The following SH3BGRL variants were observed in gnomAD, a reference collection of about 807,000 sequenced individuals.
SH3BGRL encodes adapter SH3BGRL.
SH3BGRL carries 7 observed loss-of-function variants against 9.8 expected under a neutral mutation model. The ratio of observed to expected loss-of-function variants is 0.72; its 90% CI spans 0.41 to 1.35. The LOEUF is 1.35. SH3BGRL is among the 40% of genes most tolerant of loss of function. The pLI is 0.01. For synonymous variants in SH3BGRL, 36 were observed against 29.1 expected (o/e 1.24, Z -0.76); for missense variants, 73 against 84.4 (o/e 0.86, Z 0.53).
rs1168836658 is a variant in SH3BGRL, at chrX:81,287,397, G to A, written c.312+8986G>A. Among the ~76,000 whole-genome samples, 8 of 111,740 alleles carry A rather than the reference G, an allele frequency of 7.2e-5. No individual in the cohort carries two copies. The East Asian group carries it at 2.2e-3, about 31-fold the overall frequency. On this transcript the variant is annotated intron_variant, in intron 3 of 3. Transcript: ENST00000373212. ...AAGAAATAGACAAATTTCTAGACAC[G>A]TACAATCAACCAAGATTGAACCATG... is the stretch of plus-strand genomic sequence containing the variant.
chrX:81,262,690 C>T (rs2075744798), intron 1 of SH3BGRL, among the ~76,000 whole-genome samples: 1 of 111,840 alleles, frequency 8.9e-6, no homozygotes, highest in African/African-American at 3.3e-5. Flanking sequence ...ACAGATGTAC[C>T]ACTATGAGGT....
intron 2 of SH3BGRL, among the ~76,000 whole-genome samples, chrX:81,278,092 A>G (rs2075804022): frequency 1.8e-5 from 2 of 111,602 alleles, no homozygotes; most frequent in Non-Finnish European, 3.8e-5. Flanking sequence ...CCTTCCAAGT[A>G]GCGGGGATTA....
At position 81,297,346 on chromosome X, in the gene SH3BGRL, G is replaced by A; in HGVS notation, c.*119G>A. ...TAATGTTGAAATAATAGATTAGTTGGGTTTTCACATGCAAACATTCAAAAT... is the reference window on the plus strand; with the variant it reads ...TAATGTTGAAATAATAGATTAGTTGAGTTTTCACATGCAAACATTCAAAAT... On this transcript the variant is annotated 3_prime_UTR_variant, in exon 4 of 4. Coordinates refer to ENST00000373212, the MANE Select transcript of SH3BGRL (RefSeq NM_003022.3). The A allele has an allele frequency of 3.7e-6, 2 of 534,959 alleles. No homozygotes were observed. Among genetic ancestry groups the A allele is most frequent in the East Asian group, 3.8e-5 (1 of 26,290 alleles). The allele number at this position is 534,959 out of a possible 1,213,427, so 44.1% of individuals were successfully genotyped here.
At chrX:81,222,831 CTTG>C (rs1226355841) in intron 1 of SH3BGRL, among the ~76,000 whole-genome samples, 14 of 111,665 alleles carry the variant, frequency 1.3e-4, no homozygotes, top group Non-Finnish European at 2.1e-4. Context: ...CTGTCCAGCA[CTTG>C]TTGTTTCCTG....
intron 1 of SH3BGRL, among the ~76,000 whole-genome samples, chrX:81,272,502 CTT>C (rs748353277): frequency 1.0e-4 from 10 of 95,643 alleles, no homozygotes; most frequent in Admixed American, 1.2e-4. Context: ...TTTTTCTTTT[CTT>C]TTTTTTTTTT....
intron 1 of SH3BGRL, among the ~76,000 whole-genome samples, chrX:81,274,912 G>A (rs2075793541): frequency 9.0e-6 from 1 of 111,276 alleles, no homozygotes; most frequent in South Asian, 3.8e-4. Flanking sequence ...ATTCTGTTCA[G>A]CTTTATGGAG....
At chrX:81,258,758 C>T (rs752553332) in intron 1 of SH3BGRL, among the ~76,000 whole-genome samples, 21 of 111,946 alleles carry the variant, frequency 1.9e-4, no homozygotes, top group African/African-American at 6.1e-4. Context: ...GATATTTTTC[C>T]TGGTCACAGT....
At chrX:81,254,368 A>G (rs920349813) in intron 1 of SH3BGRL, among the ~76,000 whole-genome samples, 75 of 111,709 alleles carry the variant, frequency 6.7e-4, no homozygotes, top group African/African-American at 2.3e-3. Flanking sequence ...GTCTGAGAGT[A>G]CATTCTTAGT....
chrX:81,290,038 C>T (rs1193363738), intron 3 of SH3BGRL, among the ~76,000 whole-genome samples: 1 of 111,681 alleles, frequency 9.0e-6, no homozygotes, highest in African/African-American at 3.3e-5. Context: ...ATAATCTCAC[C>T]TCAGTTAATA....
intron 1 of SH3BGRL, among the ~76,000 whole-genome samples, chrX:81,263,828 G>A (rs958371317): frequency 9.0e-6 from 1 of 110,777 alleles, no homozygotes; most frequent in Non-Finnish European, 1.9e-5. Context: ...GCACTTTCTT[G>A]TCTGTTTTTT....
At chrX:81,288,903 T>A (rs2075846942) in intron 3 of SH3BGRL, among the ~76,000 whole-genome samples, 2 of 111,679 alleles carry the variant, frequency 1.8e-5, no homozygotes, top group Admixed American at 9.5e-5. Context: ...ATCAATGACA[T>A]TCTTCACAGA....
At chrX:81,284,968 G>A (rs966736710) in intron 3 of SH3BGRL, among the ~76,000 whole-genome samples, 3 of 111,056 alleles carry the variant, frequency 2.7e-5, no homozygotes, top group Non-Finnish European at 5.7e-5. Context: ...ATGTTATGAA[G>A]GATGGGCAAG....
intron 1 of SH3BGRL, among the ~76,000 whole-genome samples, chrX:81,248,408 G>C (rs1456954021): frequency 8.9e-6 from 1 of 112,281 alleles, no homozygotes; most frequent in Non-Finnish European, 1.9e-5. Flanking sequence ...GGGGCACCCA[G>C]CAATGGCCCA....
intron 3 of SH3BGRL, among the ~76,000 whole-genome samples, chrX:81,286,088 CA>C (rs1364349354): frequency 1.8e-5 from 2 of 111,364 alleles, no homozygotes; most frequent in Admixed American, 1.9e-4. Flanking sequence ...TTGTTTAAAA[CA>C]AGGTATGTAT....
At chrX:81,231,088 A>C (rs1267710475) in intron 1 of SH3BGRL, among the ~76,000 whole-genome samples, 1 of 112,233 alleles carries the variant, frequency 8.9e-6, no homozygotes, top group Non-Finnish European at 1.9e-5. Flanking sequence ...GAAGTCAGAA[A>C]AGCCAGGTTG....
intron 3 of SH3BGRL, among the ~76,000 whole-genome samples, chrX:81,291,799 A>G (rs2147722688): frequency 8.9e-6 from 1 of 112,403 alleles, no homozygotes; most frequent in African/African-American, 3.2e-5. Flanking sequence ...GAAATTGGCC[A>G]AAACTGACAA....
At chrX:81,214,560 T>C (rs1051931737) in intron 1 of SH3BGRL, among the ~76,000 whole-genome samples, 10 of 111,702 alleles carry the variant, frequency 9.0e-5, no homozygotes, top group African/African-American at 3.2e-4. Flanking sequence ...CCTCAGTGTC[T>C]AGTGGCTGAA....
chrX:81,222,800 G>C (rs941598169), intron 1 of SH3BGRL, among the ~76,000 whole-genome samples: 3 of 111,656 alleles, frequency 2.7e-5, no homozygotes, highest in African/African-American at 9.8e-5. Context: ...CAGTGTAAAA[G>C]TGTTCCTATT....
intron 1 of SH3BGRL, among the ~76,000 whole-genome samples, chrX:81,207,025 T>C (rs2075549889): frequency 8.9e-6 from 1 of 112,352 alleles, no homozygotes; most frequent in African/African-American, 3.2e-5. Context: ...TTACATTTAA[T>C]GGAAAATGAA....
Sources: gnomAD v4.1 joint callset for allele counts (sites outside exome capture counted in the v4.1 genomes callset) on GRCh38, gnomAD v4.1.1 for gene constraint, MANE v1.5 for transcripts, NCBI Gene and HGNC (gene_info 2026-07-23, HGNC 2026-07-21) for gene names.